C1GALT1: variants seen among roughly 807,000 people sequenced by gnomAD.
C1GALT1 encodes the protein glycoprotein-N-acetylgalactosamine 3-beta-galactosyltransferase 1.
A neutral mutation model predicts 31.0 loss-of-function variants in C1GALT1; 11 were observed. The ratio of observed to expected loss-of-function variants is 0.36; its 90% confidence interval spans 0.22 to 0.59. The LOEUF (loss-of-function observed/expected upper bound fraction) is 0.59, where lower values mean the gene tolerates loss of function less well. C1GALT1 is among the 20% of genes least tolerant of loss of function. C1GALT1 has a pLI of 0.79. For synonymous variants in C1GALT1, 175 were observed against 143.6 expected (o/e 1.22, Z -1.56); for missense variants, 424 against 425.2 (o/e 1.00, Z 0.03).
At chr7:7,232,737 G>T (rs10245376) in intron 1 of C1GALT1, among the ~76,000 whole-genome samples, 37,043 of 151,906 alleles carry the variant, frequency 0.24, 5,254 homozygotes, top group East Asian at 0.54. Flanking sequence ...TGATCCACCC[G>T]CCTTGGCCTC....
intron 1 of C1GALT1, among the ~76,000 whole-genome samples, chr7:7,231,820 G>T (rs975602868): frequency 6.6e-6 from 1 of 151,776 alleles, no homozygotes; most frequent in Non-Finnish European, 1.5e-5. Flanking sequence ...GATAATTTGA[G>T]GTTCTTCATG....
chr7:7,204,111 G>GT (rs1385099347), intron 1 of C1GALT1, among the ~76,000 whole-genome samples: 30 of 114,174 alleles, frequency 2.6e-4, no homozygotes, highest in East Asian at 3.0e-4. Flanking sequence ...TTTTTTTTTT[G>GT]TTTTTTTGTT....
intron 1 of C1GALT1, among the ~76,000 whole-genome samples, chr7:7,204,060 C>A (rs1781626700): frequency 6.7e-6 from 1 of 148,924 alleles, no homozygotes; most frequent in Non-Finnish European, 1.5e-5. Context: ...TAATGCTGGC[C>A]TCACAGAATA....
intron 1 of C1GALT1, among the ~76,000 whole-genome samples, chr7:7,224,687 C>T (rs1290409927): frequency 6.6e-6 from 1 of 152,064 alleles, no homozygotes; most frequent in African/African-American, 2.4e-5. Flanking sequence ...GAAATAACCC[C>T]TGTATTATTC....
chr7:7,183,298 C>T (rs1295424859), intron 1 of C1GALT1, among the ~76,000 whole-genome samples: 1 of 152,116 alleles, frequency 6.6e-6, no homozygotes, highest in Non-Finnish European at 1.5e-5. Context: ...GGCACCTTCG[C>T]CGGGGAGCCA....
Position 7,182,699 on chromosome 7 carries a change from G to A in C1GALT1, c.-139G>A. 1 of 631,754 alleles carries A rather than the reference G, an allele frequency of 1.6e-6. No individual in the cohort carries two copies. The highest frequency in any genetic ancestry group is 2.0e-6 in the Non-Finnish European group (1 of 506,648). The allele number at this position is 631,754 out of a possible 1,614,324, so 39.1% of individuals were successfully genotyped here. A position where few individuals can be genotyped will look rare whatever the true frequency, so the allele number is the denominator to read the frequency against. ...GGGAATAATCTGGGCGGCAGCGGGC[G>A]GCCTCGGCTAGCGGCCACGAGCCAC... On this transcript the variant is annotated 5_prime_UTR_variant, in exon 1 of 4. Coordinates refer to ENST00000436587, the MANE Select transcript of C1GALT1 (RefSeq NM_020156.5).
intron 1 of C1GALT1, among the ~76,000 whole-genome samples, chr7:7,225,619 G>GT (rs1782723488): frequency 6.6e-6 from 1 of 152,150 alleles, no homozygotes; most frequent in Non-Finnish European, 1.5e-5. Flanking sequence ...TTAGCAGTGT[G>GT]TTTTTTGTGT....
At chr7:7,191,574 T>G (rs574494078) in intron 1 of C1GALT1, among the ~76,000 whole-genome samples, 1 of 152,252 alleles carries the variant, frequency 6.6e-6, no homozygotes, top group African/African-American at 2.4e-5. Context: ...ATAGCAGAAA[T>G]AACATTTTAC....
intron 1 of C1GALT1, among the ~76,000 whole-genome samples, chr7:7,206,698 A>G (rs905535237): frequency 6.6e-6 from 1 of 150,624 alleles, no homozygotes; most frequent in Non-Finnish European, 1.5e-5. Flanking sequence ...AAAGAAGAGA[A>G]TGTCTCAGCT....
intron 2 of C1GALT1, among the ~76,000 whole-genome samples, chr7:7,237,339 A>G (rs1783410611): frequency 6.6e-6 from 1 of 152,206 alleles, no homozygotes; most frequent in Admixed American, 6.5e-5. Flanking sequence ...TGTCTGCACA[A>G]GATAATGAGG....
At chr7:7,216,654 C>T (rs1009955334) in intron 1 of C1GALT1, among the ~76,000 whole-genome samples, 1 of 152,188 alleles carries the variant, frequency 6.6e-6, no homozygotes, top group Non-Finnish European at 1.5e-5. Context: ...ACTTAAACTT[C>T]CCTTACTAAT....
At chr7:7,208,037 A>G (rs951815116) in intron 1 of C1GALT1, among the ~76,000 whole-genome samples, 1 of 152,168 alleles carries the variant, frequency 6.6e-6, no homozygotes, top group Non-Finnish European at 1.5e-5. Flanking sequence ...TCTGAGTAGC[A>G]TGATGAAATC....
At chr7:7,190,774 C>T (rs1313872643) in intron 1 of C1GALT1, among the ~76,000 whole-genome samples, 1 of 151,878 alleles carries the variant, frequency 6.6e-6, no homozygotes, top group East Asian at 1.9e-4. Context: ...ATTAGTACAC[C>T]CCTTCCCACA....
At chr7:7,164,182 T>A (rs1267400997) in intron 2 of C1GALT1, among the ~76,000 whole-genome samples, 9 of 152,152 alleles carry the variant, frequency 5.9e-5, no homozygotes, top group African/African-American at 2.2e-4. Flanking sequence ...AACTATCTGA[T>A]CTTTGACAAA....
At position 7,198,345 on chromosome 7, in the gene C1GALT1, G is replaced by T. The variant is rs1438020450; in HGVS notation, c.-18+15525G>T. 2.6e-5 allele frequency among the ~76,000 whole-genome samples: 4 copies of T among 152,276 alleles called. No homozygotes were observed. In the East Asian group the frequency reaches 7.7e-4, roughly 29 times the overall value. On this transcript the variant is annotated intron_variant, in intron 1 of 3. Coordinates refer to ENST00000436587, the MANE Select transcript of C1GALT1 (RefSeq NM_020156.5). The stretch of plus-strand genomic sequence containing the variant: ...TATGATGGATTACGTTTATTGATTT[G>T]CGTATGTTGAACCAGCCTTGCATCC...
At chr7:7,166,544 ACATT>A (rs1382334851) in intron 2 of C1GALT1, among the ~76,000 whole-genome samples, 2 of 152,158 alleles carry the variant, frequency 1.3e-5, no homozygotes, top group Non-Finnish European at 2.9e-5. Flanking sequence ...GGTGATAGAT[ACATT>A]CATTATCTTG....
chr7:7,193,688 G>T (rs1033849585), intron 1 of C1GALT1, among the ~76,000 whole-genome samples: 4 of 151,886 alleles, frequency 2.6e-5, no homozygotes, highest in Non-Finnish European at 4.4e-5. Context: ...TGAATTTTAG[G>T]ATTGTTCTCC....
At chr7:7,174,412 A>C (rs1365804626) in intron 2 of C1GALT1, among the ~76,000 whole-genome samples, 1 of 152,206 alleles carries the variant, frequency 6.6e-6, no homozygotes, top group African/African-American at 2.4e-5. Context: ...TTGCATAGTA[A>C]GAGTATATTT....
intron 1 of C1GALT1, among the ~76,000 whole-genome samples, chr7:7,226,033 A>G: frequency 6.6e-6 from 1 of 152,138 alleles, no homozygotes. Flanking sequence ...AACCTGTCTC[A>G]TACTCAGTTT....
Sources: gnomAD v4.1 joint callset for allele counts (sites outside exome capture counted in the v4.1 genomes callset) on GRCh38, gnomAD v4.1.1 for gene constraint, MANE v1.5 for transcripts, NCBI Gene and HGNC (gene_info 2026-07-23, HGNC 2026-07-21) for gene names.